ZSWIM6: variants seen among roughly 807,000 people sequenced by gnomAD.
The protein encoded by ZSWIM6 is zinc finger SWIM-type containing 6.
In ZSWIM6, 9 loss-of-function variants were observed where a neutral mutation model predicts 113.2. That is an observed-to-expected ratio of 0.08 (90% CI 0.05 to 0.14). ZSWIM6 has a LOEUF of 0.14. ZSWIM6 is among the 10% of genes least tolerant of loss of function. The probability of loss-of-function intolerance (pLI) is 1.00; values close to 1 mark genes in which losing one functional copy is unlikely to be tolerated. For missense variants in ZSWIM6, 1,162 were observed against 1,552.2 expected, an observed-to-expected ratio of 0.75 and a Z score of 4.22; for synonymous variants, 611 against 606.5, an observed-to-expected ratio of 1.01 and a Z score of -0.11.
chr5:61,394,145 A>G (rs187303644), intron 1 of ZSWIM6, among the ~76,000 whole-genome samples: 3 of 152,344 alleles, frequency 2.0e-5, no homozygotes, highest in Admixed American at 1.3e-4. Flanking sequence ...ACAAAGCCAT[A>G]TAAATGGAGA....
At chr5:61,399,230 T>TG (rs1745899836) in intron 1 of ZSWIM6, among the ~76,000 whole-genome samples, 1 of 135,218 alleles carries the variant, frequency 7.4e-6, no homozygotes, top group Non-Finnish European at 1.6e-5. Flanking sequence ...TGGCTGTGTA[T>TG]GTTTTTTTTT....
At chr5:61,406,867 C>T (rs1746053065) in intron 1 of ZSWIM6, among the ~76,000 whole-genome samples, 1 of 152,062 alleles carries the variant, frequency 6.6e-6, no homozygotes, top group Admixed American at 6.6e-5. Flanking sequence ...TGCCTGCCAC[C>T]ATGCCTGCCT....
chr5:61,477,329 A>G (rs990646120), intron 2 of ZSWIM6, among the ~76,000 whole-genome samples: 1 of 152,184 alleles, frequency 6.6e-6, no homozygotes, highest in African/African-American at 2.4e-5. Context: ...CTTCCCTGTC[A>G]TGTGTCCAGA....
chr5:61,464,158 A>ATTTTTTTTTTTTTTTTTTTT (rs869288331), intron 1 of ZSWIM6, among the ~76,000 whole-genome samples: 5 of 43,524 alleles, frequency 1.1e-4, no homozygotes, highest in Non-Finnish European at 1.2e-4. Context: ...CACCCGGCTA[A>ATTTTTTTTTTTTTTTTTTTT]TTTTTTTTTT....
chr5:61,405,203 A>T (rs1215159051), intron 1 of ZSWIM6, among the ~76,000 whole-genome samples: 2 of 152,198 alleles, frequency 1.3e-5, no homozygotes, highest in Non-Finnish European at 2.9e-5. Flanking sequence ...TTGTTGATAG[A>T]AAGCTATGTT....
chr5:61,540,928 T>G (rs1471277205), intron 12 of ZSWIM6, among the ~76,000 whole-genome samples: 1 of 108,594 alleles, frequency 9.2e-6, no homozygotes, highest in East Asian at 2.0e-4. Context: ...TTTTTTTTTT[T>G]TTTTTTTTTG....
At chr5:61,375,556 G>A in intron 1 of ZSWIM6, 1 of 1,545,138 alleles carries the variant, frequency 6.5e-7, no homozygotes, top group East Asian at 2.4e-5. Context: ...CTCCATGTCA[G>A]AAACTGAATC....
At chr5:61,414,188 T>A (rs918018076) in intron 1 of ZSWIM6, among the ~76,000 whole-genome samples, 2 of 152,076 alleles carry the variant, frequency 1.3e-5, no homozygotes, top group Middle Eastern at 6.8e-3. Flanking sequence ...AGGTGTTCAG[T>A]GAAGAGGGTA....
At chr5:61,356,193 G>C (rs990431297) in intron 1 of ZSWIM6, among the ~76,000 whole-genome samples, 1 of 152,162 alleles carries the variant, frequency 6.6e-6, no homozygotes, top group Admixed American at 6.5e-5. Flanking sequence ...CCCGAACTCG[G>C]GTTCAAGTGA....
At chr5:61,359,293 C>A (rs529889648) in intron 1 of ZSWIM6, among the ~76,000 whole-genome samples, 3 of 152,150 alleles carry the variant, frequency 2.0e-5, no homozygotes, top group Non-Finnish European at 4.4e-5. Flanking sequence ...GTGAGAACTA[C>A]TGTTAAGAAA....
At chr5:61,434,034 TAAA>T (rs893883938) in intron 1 of ZSWIM6, among the ~76,000 whole-genome samples, 4 of 145,930 alleles carry the variant, frequency 2.7e-5, no homozygotes, top group South Asian at 2.1e-4. Context: ...AAAAATATAA[TAAA>T]AAATATATGT....
intron 1 of ZSWIM6, among the ~76,000 whole-genome samples, chr5:61,344,775 G>A (rs995677500): frequency 3.3e-5 from 5 of 152,164 alleles, no homozygotes; most frequent in African/African-American, 7.2e-5. Context: ...AGGCCACGAC[G>A]GCACAGGGTC....
chr5:61,473,745 G>A (rs1747638543), intron 2 of ZSWIM6, among the ~76,000 whole-genome samples: 1 of 151,890 alleles, frequency 6.6e-6, no homozygotes, highest in South Asian at 2.1e-4. Flanking sequence ...TAAAACATTT[G>A]GACATAATTT....
chr5:61,352,402 C>T (rs530832542), intron 1 of ZSWIM6, among the ~76,000 whole-genome samples: 3 of 152,302 alleles, frequency 2.0e-5, no homozygotes, highest in African/African-American at 7.2e-5. Context: ...ACCATTTGCA[C>T]ATAGTTGTCT....
intron 1 of ZSWIM6, among the ~76,000 whole-genome samples, chr5:61,345,326 A>G (rs1744634167): frequency 6.6e-6 from 1 of 152,250 alleles, no homozygotes; most frequent in Non-Finnish European, 1.5e-5. Flanking sequence ...GCTAGGTTTT[A>G]GTTGAAATAT....
chr5:61,391,774 G>GGAA, intron 1 of ZSWIM6: 1 of 1,008,688 alleles, frequency 9.9e-7, no homozygotes, highest in Non-Finnish European at 1.6e-6. Flanking sequence ...GTCATCCTTA[G>GGAA]GAAAGCTCTT....
chr5:61,490,959 A>C, intron 3 of ZSWIM6, 25 bp downstream of exon 3: 2 of 1,505,056 alleles, frequency 1.3e-6, no homozygotes, highest in Non-Finnish European at 1.8e-6. Flanking sequence ...TTCTAAAGAA[A>C]TATTCTAAAT....
chr5:61,356,138 T>C (rs1429444414), intron 1 of ZSWIM6, among the ~76,000 whole-genome samples: 2 of 152,218 alleles, frequency 1.3e-5, no homozygotes, highest in African/African-American at 4.8e-5. Context: ...CCTTGCTCTG[T>C]TGTCCAAGCT....
At chr5:61,539,368 C>T (rs1282279326) in intron 11 of ZSWIM6, among the ~76,000 whole-genome samples, 1 of 152,098 alleles carries the variant, frequency 6.6e-6, no homozygotes, top group Non-Finnish European at 1.5e-5. Context: ...CTCAGTGTAT[C>T]TTTTTTTGTG....
Sources: allele counts gnomAD v4.1 joint callset (sites outside exome capture counted in the v4.1 genomes callset), GRCh38; gene constraint gnomAD v4.1.1; transcripts MANE v1.5; gene names NCBI Gene and HGNC (gene_info 2026-07-23, HGNC 2026-07-21).